The following ALOX5AP variants were observed in gnomAD, a reference collection of about 807,000 sequenced individuals.
The protein encoded by ALOX5AP is arachidonate 5-lipoxygenase activating protein.
ALOX5AP carries 9 observed loss-of-function variants against 18.5 expected under a neutral mutation model. The observed-to-expected ratio is 0.49, with a 90% confidence interval of 0.29 to 0.85. The LOEUF (loss-of-function observed/expected upper bound fraction) is 0.85. ALOX5AP is among the 40% of genes least tolerant of loss of function. The pLI is 0.08. For synonymous variants in ALOX5AP, 81 were observed against 78.6 expected (o/e 1.03, Z -0.16); for missense variants, 172 against 202.5 (o/e 0.85, Z 0.91).
At chr13:30,752,293 G>A (rs1018580549) in intron 3 of ALOX5AP, among the ~76,000 whole-genome samples, 171 bp downstream of exon 3, 5 of 152,190 alleles carry the variant, frequency 3.3e-5, no homozygotes, top group South Asian at 4.1e-4. Context: ...CTCTGCACCC[G>A]TGCAGAGCGC....
At position 30,735,645 on chromosome 13, in the gene ALOX5AP, A is replaced by G. The variant is rs757681724; in HGVS notation, c.40A>G (p.Ile14Val). The G allele has an allele frequency of 9.9e-6, 16 of 1,614,038 alleles. No homozygotes were observed. Among genetic ancestry groups the G allele is most frequent in the African/African-American group, 4.0e-5 (3 of 74,914 alleles). ...TGTAGGCAATGTTGTCCTGTTGGCC[A>G]TCGTCACCCTCATCAGCGTGGTCCA... ...ETVGNVVLLA[I>V]VTLISVVQNG... The change falls in exon 1 of 5, where the codon ATC (isoleucine) becomes GTC (valine). Residue 14 changes from isoleucine (I) to valine (V), a missense_variant. Ile to Val is a conservative substitution (Grantham distance 29, BLOSUM62 3). Coordinates refer to ENST00000380490, the MANE Select transcript of ALOX5AP (RefSeq NM_001629.4).
intron 1 of ALOX5AP, among the ~76,000 whole-genome samples, chr13:30,740,514 G>C (rs1422084420): frequency 6.6e-6 from 1 of 152,172 alleles, no homozygotes; most frequent in Non-Finnish European, 1.5e-5. Flanking sequence ...GCAGCTAGCC[G>C]AGATAAGTGT....
intron 1 of ALOX5AP, among the ~76,000 whole-genome samples, chr13:30,714,592 T>TGGGAGGTGGGAGGG (rs1951535280): frequency 2.7e-4 from 2 of 7,274 alleles, no homozygotes; most frequent in African/African-American, 1.1e-3. Flanking sequence ...AGGTGGGAGG[T>TGGGAGGTGGGAGGG]GGGGGGTGGG....
intron 1 of ALOX5AP, among the ~76,000 whole-genome samples, chr13:30,717,557 C>A (rs1951559270): frequency 6.6e-6 from 1 of 152,204 alleles, no homozygotes; most frequent in Admixed American, 6.5e-5. Context: ...TAGAGTGGCT[C>A]ACAGAACTCA....
At position 30,720,244 on chromosome 13, in the gene ALOX5AP, C is replaced by T. The variant is rs557519335; in HGVS notation, c.116+6403C>T. On this transcript the variant is annotated intron_variant, in intron 1 of 5. Transcript: ENST00000617770. Reference sequence around the variant, plus strand: ...CTAATTTTCTAATATGATACGCTGTCGGATGCTATGGATTACTTAAACCCT... The same window carrying T: ...CTAATTTTCTAATATGATACGCTGTTGGATGCTATGGATTACTTAAACCCT... 5.3e-5 allele frequency among the ~76,000 whole-genome samples: 8 copies of T among 152,292 alleles called. No individual in the cohort carries two copies. The East Asian group carries it at 1.3e-3, about 26-fold the overall frequency.
At chr13:30,752,167 T>C in intron 3 of ALOX5AP, 45 bp downstream of exon 3, 1 of 1,590,486 alleles carries the variant, frequency 6.3e-7, no homozygotes, top group South Asian at 1.1e-5. Context: ...ATAAAGTGCA[T>C]CTCAAGGAGG....
intron 1 of ALOX5AP, among the ~76,000 whole-genome samples, chr13:30,719,677 A>G (rs970842854): frequency 3.3e-5 from 5 of 152,196 alleles, no homozygotes; most frequent in African/African-American, 1.2e-4. Context: ...TTGCTATGTC[A>G]TAGGTTGTTG....
chr13:30,756,141 T>G (rs1951891889), intron 4 of ALOX5AP, 116 bp downstream of exon 4: 1 of 983,170 alleles, frequency 1.0e-6, no homozygotes, highest in Non-Finnish European at 1.6e-6. Context: ...TCCCCTTGGG[T>G]GGGAGGGGGA....
intron 1 of ALOX5AP, among the ~76,000 whole-genome samples, chr13:30,720,500 C>A (rs913142013): frequency 6.6e-6 from 1 of 152,112 alleles, no homozygotes; most frequent in Non-Finnish European, 1.5e-5. Flanking sequence ...AACATTGGAA[C>A]CTTATGTTTA....
intron 4 of ALOX5AP, among the ~76,000 whole-genome samples, chr13:30,761,691 C>A (rs572696291): frequency 6.6e-6 from 1 of 152,268 alleles, no homozygotes; most frequent in Admixed American, 6.5e-5. Flanking sequence ...TGGGCAGGGT[C>A]GGTTTCTCCT....
intron 1 of ALOX5AP, among the ~76,000 whole-genome samples, chr13:30,721,597 C>G (rs990391756): frequency 3.9e-5 from 6 of 152,168 alleles, no homozygotes; most frequent in African/African-American, 1.2e-4. Flanking sequence ...GGAACAGACC[C>G]CAGCTGCTCT....
At chr13:30,747,470 G>T (rs1010421515) in intron 2 of ALOX5AP, among the ~76,000 whole-genome samples, 8 of 152,196 alleles carry the variant, frequency 5.3e-5, no homozygotes, top group Non-Finnish European at 1.2e-4. Context: ...ACCGTGCCTG[G>T]CCTGTTCACA....
intron 1 of ALOX5AP, among the ~76,000 whole-genome samples, chr13:30,720,398 G>A (rs1048809674): frequency 2.6e-5 from 4 of 152,116 alleles, no homozygotes; most frequent in African/African-American, 9.7e-5. Context: ...AGGGTCTCTT[G>A]GGATATCTTT....
chr13:30,713,987 A>G, intron 1 of ALOX5AP: 2 of 825,938 alleles, frequency 2.4e-6, no homozygotes, highest in South Asian at 3.6e-5. Context: ...GAGTGGCCCC[A>G]GGATCTATAT....
chr13:30,760,887 G>A (rs906206949), intron 4 of ALOX5AP, among the ~76,000 whole-genome samples: 2 of 152,046 alleles, frequency 1.3e-5, no homozygotes, highest in African/African-American at 4.8e-5. Flanking sequence ...TGAAAGATTA[G>A]TGAGTCTTCT....
At chr13:30,756,179 T>G (rs4468448) in intron 4 of ALOX5AP, among the ~76,000 whole-genome samples, 154 bp downstream of exon 4, 1 of 152,008 alleles carries the variant, frequency 6.6e-6, no homozygotes, top group Middle Eastern at 3.2e-3. Context: ...TGATTCTTCT[T>G]TCCCTGAGCT....
chr13:30,741,344 A>G (rs146603781), intron 1 of ALOX5AP, among the ~76,000 whole-genome samples: 3 of 148,204 alleles, frequency 2.0e-5, no homozygotes, highest in Non-Finnish European at 4.5e-5. Context: ...CACATCCTCC[A>G]TATACTTTAA....
chr13:30,759,186 G>A (rs528137443), intron 4 of ALOX5AP, among the ~76,000 whole-genome samples: 9 of 152,178 alleles, frequency 5.9e-5, no homozygotes, highest in Admixed American at 2.0e-4. Flanking sequence ...ATGGCACCTG[G>A]CACCAACTGG....
intron 4 of ALOX5AP, among the ~76,000 whole-genome samples, chr13:30,760,449 C>T (rs1566090115): frequency 1.3e-5 from 2 of 152,190 alleles, no homozygotes; most frequent in African/African-American, 4.8e-5. Context: ...CACACTACGG[C>T]GCCTCATCCT....
Sources: gnomAD v4.1 joint callset for allele counts (sites outside exome capture counted in the v4.1 genomes callset) on GRCh38, gnomAD v4.1.1 for gene constraint, MANE v1.5 for transcripts, NCBI Gene and HGNC (gene_info 2026-07-23, HGNC 2026-07-21) for gene names.